The following NR2F1-AS1 variants were observed in gnomAD, a reference collection of about 807,000 sequenced individuals.
NR2F1-AS1 encodes NR2F1 antisense RNA 1.
At chr5:93,497,299 T>A (rs1488129266) in intron 4 of NR2F1-AS1, among the ~76,000 whole-genome samples, 1 of 152,116 alleles carries the variant, frequency 6.6e-6, no homozygotes, top group African/African-American at 2.4e-5. Flanking sequence ...CTGTGTTTGT[T>A]TAAGTTGCTG....
intron 4 of NR2F1-AS1, among the ~76,000 whole-genome samples, chr5:93,531,430 C>T (rs1234656530): frequency 6.6e-6 from 1 of 152,136 alleles, no homozygotes; most frequent in Non-Finnish European, 1.5e-5. Flanking sequence ...TAACGAAAGC[C>T]GAGGTCTCAC....
At chr5:93,567,153 T>C (rs1752637589) in intron 1 of NR2F1-AS1, among the ~76,000 whole-genome samples, 1 of 152,112 alleles carries the variant, frequency 6.6e-6, no homozygotes, top group Non-Finnish European at 1.5e-5. Flanking sequence ...TGACTTAAAG[T>C]TATGTTGATA....
intron 4 of NR2F1-AS1, among the ~76,000 whole-genome samples, chr5:93,552,838 A>C (rs539337184): frequency 6.6e-6 from 1 of 152,318 alleles, no homozygotes; most frequent in African/African-American, 2.4e-5. Flanking sequence ...ATGTATATAT[A>C]CTTCATGATT....
intron 4 of NR2F1-AS1, among the ~76,000 whole-genome samples, chr5:93,472,577 T>C (rs1350012913): frequency 6.6e-6 from 1 of 151,892 alleles, no homozygotes; most frequent in African/African-American, 2.4e-5. Context: ...ATGTAAAATA[T>C]TTAATTGACA....
intron 4 of NR2F1-AS1, among the ~76,000 whole-genome samples, chr5:93,496,651 C>T (rs1750965791): frequency 6.6e-6 from 1 of 152,114 alleles, no homozygotes; most frequent in Non-Finnish European, 1.5e-5. Context: ...CAATGTCTTC[C>T]TGGCTTTGCC....
chr5:93,576,600 G>A (rs1024114314), intron 1 of NR2F1-AS1, among the ~76,000 whole-genome samples: 4 of 152,148 alleles, frequency 2.6e-5, no homozygotes, highest in African/African-American at 9.7e-5. Flanking sequence ...GGTAACACCA[G>A]CAGACCTGCT....
At chr5:93,431,345 T>A (rs1430571940) in intron 4 of NR2F1-AS1, among the ~76,000 whole-genome samples, 1 of 152,148 alleles carries the variant, frequency 6.6e-6, no homozygotes, top group African/African-American at 2.4e-5. Context: ...CTGTTTTATA[T>A]CTTAGTCACA....
chr5:93,523,163 G>T (rs944846748), intron 4 of NR2F1-AS1, among the ~76,000 whole-genome samples: 5 of 152,134 alleles, frequency 3.3e-5, no homozygotes, highest in African/African-American at 1.2e-4. Flanking sequence ...CTTGGTGGGG[G>T]GAGGGGTGTC....
chr5:93,475,357 A>C (rs1203102230), intron 4 of NR2F1-AS1, among the ~76,000 whole-genome samples: 1 of 152,190 alleles, frequency 6.6e-6, no homozygotes, highest in East Asian at 1.9e-4. Context: ...GAGGAAGGAA[A>C]GTCAACTCTA....
At chr5:93,464,830 T>A (rs1750189851) in intron 4 of NR2F1-AS1, among the ~76,000 whole-genome samples, 1 of 152,356 alleles carries the variant, frequency 6.6e-6, no homozygotes, top group East Asian at 1.9e-4. Flanking sequence ...ACATCACTGA[T>A]GTTGGCCTTT....
chr5:93,542,054 G>A (rs1751962573), intron 4 of NR2F1-AS1: 1 of 148,592 alleles, frequency 6.7e-6, no homozygotes, highest in African/African-American at 2.5e-5. Flanking sequence ...TTTATTCATT[G>A]TGCATTTTGT....
At chr5:93,425,926 A>T (rs1046022677) in intron 4 of NR2F1-AS1, among the ~76,000 whole-genome samples, 1 of 152,222 alleles carries the variant, frequency 6.6e-6, no homozygotes, top group East Asian at 1.9e-4. Flanking sequence ...AAATTAAATT[A>T]AATTTAAAAC....
chr5:93,462,745 C>A (rs77512361), intron 4 of NR2F1-AS1, among the ~76,000 whole-genome samples: 19,174 of 152,180 alleles, frequency 0.13, 1,525 homozygotes, highest in African/African-American at 0.22. Flanking sequence ...GTAAAGGTGA[C>A]CCTTGCTATA....
intron 4 of NR2F1-AS1, among the ~76,000 whole-genome samples, chr5:93,552,663 A>C (rs1752257796): frequency 6.6e-6 from 1 of 151,644 alleles, no homozygotes; most frequent in Non-Finnish European, 1.5e-5. Context: ...GAAAGATAAT[A>C]ACAATTACAA....
At chr5:93,480,602 A>G (rs974507307) in intron 4 of NR2F1-AS1, among the ~76,000 whole-genome samples, 2 of 152,166 alleles carry the variant, frequency 1.3e-5, no homozygotes, top group Non-Finnish European at 2.9e-5. Context: ...TGTAAAACCT[A>G]GTATTAATGT....
At chr5:93,425,003 C>A (rs1460364399) in intron 4 of NR2F1-AS1, among the ~76,000 whole-genome samples, 1 of 152,196 alleles carries the variant, frequency 6.6e-6, no homozygotes, top group African/African-American at 2.4e-5. Flanking sequence ...TAGCTTCTCC[C>A]TCTCCTACAT....
intron 4 of NR2F1-AS1, among the ~76,000 whole-genome samples, chr5:93,465,453 TAGG>T (rs1580249158): frequency 1.3e-5 from 2 of 152,126 alleles, no homozygotes; most frequent in African/African-American, 2.4e-5. Context: ...TGTGGAGAAA[TAGG>T]AGTGTTTTAC....
In NR2F1-AS1 at chr5:93,462,211, T is replaced by C. The variant is rs1002552320; in HGVS notation, n.639-66669A>G. On this transcript the variant is annotated intron_variant and non_coding_transcript_variant, in intron 4 of 5. Coordinates refer to ENST00000660523, the Ensembl canonical transcript of NR2F1-AS1. ...ATTCCCACATGTCATGGGAGGAACCTGGTGGGAGGTGATTGAGTTATGGGG... is the reference window on the plus strand; with the variant it reads ...ATTCCCACATGTCATGGGAGGAACCCGGTGGGAGGTGATTGAGTTATGGGG... Among the ~76,000 whole-genome samples, 3 of 152,278 alleles carry C rather than the reference T, an allele frequency of 2.0e-5. No individual in the cohort carries two copies. The East Asian group carries it at 5.8e-4, about 29-fold the overall frequency.
chr5:93,563,843 C>T (rs1173015082), intron 1 of NR2F1-AS1, among the ~76,000 whole-genome samples: 1 of 152,018 alleles, frequency 6.6e-6, no homozygotes, highest in African/African-American at 2.4e-5. Context: ...TGGCTCATGC[C>T]TGTAATCCCA....
Sources: gnomAD v4.1 joint callset for allele counts (sites outside exome capture counted in the v4.1 genomes callset) on GRCh38, gnomAD v4.1.1 for gene constraint, MANE v1.5 for transcripts, NCBI Gene and HGNC (gene_info 2026-07-23, HGNC 2026-07-21) for gene names.